Variants in ROBO2 observed in about 807,000 individuals in gnomAD.
The protein encoded by ROBO2 is roundabout guidance receptor 2.
Under a neutral mutation model 160.8 loss-of-function variants are expected in ROBO2, and 53 were observed. The ratio of observed to expected loss-of-function variants is 0.33; its 90% CI spans 0.26 to 0.41. The LOEUF (loss-of-function observed/expected upper bound fraction) is 0.41. Among genes scored for constraint, ROBO2 ranks in the 10% least tolerant of loss-of-function variants. The pLI is 1.00. For synonymous variants in ROBO2, 664 were observed against 611.7 expected (o/e 1.09, Z -1.26); for missense variants, 1,577 against 1,722.4 (o/e 0.92, Z 1.49).
intron 2 of ROBO2, among the ~76,000 whole-genome samples, chr3:77,468,940 A>G (rs2083067893): frequency 6.6e-6 from 1 of 152,004 alleles, no homozygotes. Context: ...TTTCTTTCCC[A>G]TTCCCCTTCT....
intron 2 of ROBO2, among the ~76,000 whole-genome samples, chr3:76,875,229 C>T (rs2072575181): frequency 6.6e-6 from 1 of 152,174 alleles, no homozygotes; most frequent in Admixed American, 6.5e-5. Flanking sequence ...GACAGCAACA[C>T]TCACCAGAAA....
chr3:75,924,423 A>C (rs2106863792), intron 1 of ROBO2, among the ~76,000 whole-genome samples: 1 of 152,222 alleles, frequency 6.6e-6, no homozygotes, highest in East Asian at 1.9e-4. Flanking sequence ...TGGCCCCTCA[A>C]ACCTGGTGAA....
chr3:77,033,124 A>G (rs1291771323), intron 2 of ROBO2, among the ~76,000 whole-genome samples: 1 of 152,184 alleles, frequency 6.6e-6, no homozygotes, highest in Non-Finnish European at 1.5e-5. Flanking sequence ...TAATTAAGGT[A>G]ATTGTCAACA....
At position 77,467,309 on chromosome 3, in the gene ROBO2, T is replaced by A. The variant is rs141145183; in HGVS notation, c.389-10105T>A. On this transcript the variant is annotated intron_variant, in intron 2 of 25. Transcript: ENST00000461745. ...AAGAGATTTAATAATTTAATTTTTGTTTTCTTTGGTCTAATGGTAAGGGCT... is the reference window on the plus strand; with the variant it reads ...AAGAGATTTAATAATTTAATTTTTGATTTCTTTGGTCTAATGGTAAGGGCT... 5.4e-3 allele frequency among the ~76,000 whole-genome samples: 816 copies of A among 152,240 alleles called. 6 individuals are homozygous for A. The highest frequency in any genetic ancestry group is 0.017 in the African/African-American group (694 of 41,534).
chr3:77,403,632 C>A (rs1349631292), intron 2 of ROBO2, among the ~76,000 whole-genome samples: 1 of 135,820 alleles, frequency 7.4e-6, no homozygotes, highest in Non-Finnish European at 1.6e-5. Context: ...TTTTTTTTAT[C>A]CATTCATTTA....
chr3:76,149,819 C>T (rs555976127), intron 2 of ROBO2, among the ~76,000 whole-genome samples: 62 of 150,470 alleles, frequency 4.1e-4, no homozygotes, highest in African/African-American at 1.5e-3. Context: ...CTAAAGCACA[C>T]ATCTGTCTAA....
chr3:76,026,610 T>C (rs2107686225), intron 2 of ROBO2, among the ~76,000 whole-genome samples: 1 of 152,090 alleles, frequency 6.6e-6, no homozygotes, highest in Middle Eastern at 3.4e-3. Context: ...TGGTATGTAC[T>C]ATTGAATGTG....
intron 2 of ROBO2, among the ~76,000 whole-genome samples, chr3:75,987,652 G>C (rs2065451417): frequency 6.6e-6 from 1 of 151,912 alleles, no homozygotes; most frequent in Non-Finnish European, 1.5e-5. Context: ...AAAACTTTCA[G>C]TCTTTTAACA....
intron 1 of ROBO2, among the ~76,000 whole-genome samples, chr3:75,908,968 C>A (rs2106705291): frequency 6.6e-6 from 1 of 152,336 alleles, no homozygotes; most frequent in Admixed American, 6.5e-5. Context: ...TGCTTTCAGG[C>A]TGAACTGCCA....
intron 2 of ROBO2, among the ~76,000 whole-genome samples, chr3:76,064,687 A>G (rs1358947850): frequency 6.6e-6 from 1 of 152,180 alleles, no homozygotes; most frequent in Non-Finnish European, 1.5e-5. Flanking sequence ...TTTTAATGCA[A>G]AATAAAAATT....
chr3:77,272,003 G>C (rs1453586073), intron 2 of ROBO2, among the ~76,000 whole-genome samples: 4 of 152,114 alleles, frequency 2.6e-5, no homozygotes, highest in Admixed American at 2.6e-4. Flanking sequence ...TTAATTTCGA[G>C]CTTTTCATTT....
At chr3:77,566,136 G>A (rs554418765) in intron 12 of ROBO2, among the ~76,000 whole-genome samples, 44 of 152,092 alleles carry the variant, frequency 2.9e-4, no homozygotes, top group Non-Finnish European at 5.6e-4. Context: ...AATGTAGTTC[G>A]GTGATAGTAA....
At chr3:77,187,664 A>G (rs1182054140) in intron 2 of ROBO2, among the ~76,000 whole-genome samples, 1 of 151,888 alleles carries the variant, frequency 6.6e-6, no homozygotes, top group Non-Finnish European at 1.5e-5. Flanking sequence ...AATCTCTTCA[A>G]TTTTATTTAT....
intron 1 of ROBO2, among the ~76,000 whole-genome samples, chr3:75,924,373 G>C (rs1576157669): frequency 6.6e-6 from 1 of 152,144 alleles, no homozygotes; most frequent in African/African-American, 2.4e-5. Context: ...GTGATGTGCT[G>C]TGTGGATGGA....
At chr3:76,190,468 A>C (rs1268837665) in intron 2 of ROBO2, among the ~76,000 whole-genome samples, 1 of 152,092 alleles carries the variant, frequency 6.6e-6, no homozygotes, top group Non-Finnish European at 1.5e-5. Context: ...AAGCATTTTA[A>C]ATTATATTAC....
At chr3:76,348,351 T>C (rs891010077) in intron 2 of ROBO2, among the ~76,000 whole-genome samples, 1 of 152,132 alleles carries the variant, frequency 6.6e-6, no homozygotes, top group Non-Finnish European at 1.5e-5. Context: ...AATACTGTTT[T>C]TGGAAAATTG....
intron 2 of ROBO2, among the ~76,000 whole-genome samples, chr3:77,376,032 C>T (rs978691339): frequency 2.0e-5 from 3 of 151,876 alleles, no homozygotes; most frequent in African/African-American, 4.8e-5. Flanking sequence ...CCATTGTGAG[C>T]GAGATGGACA....
rs567229713 is a variant in ROBO2, at chr3:76,079,722, G to T, written c.109+142120G>T. Among the ~76,000 whole-genome samples, 43 of 152,072 alleles carry T rather than the reference G, an allele frequency of 2.8e-4. 1 individual carries two copies. The highest frequency in any genetic ancestry group is 2.8e-3 in the Admixed American group (43 of 15,270). ...GCTGGTCTCGAACTCCTGAGCTCAG[G>T]CAATCCGTCTGCCTTGGCCTCCCAA... On this transcript the variant is annotated intron_variant, in intron 2 of 26. Coordinates refer to the ROBO2 transcript ENST00000487694.
intron 2 of ROBO2, among the ~76,000 whole-genome samples, chr3:76,952,550 G>A (rs2079022370): frequency 6.6e-6 from 1 of 152,098 alleles, no homozygotes; most frequent in Admixed American, 6.5e-5. Flanking sequence ...CCAAAGTGCT[G>A]GGATTACAGG....
Sources: gnomAD v4.1 joint callset for allele counts (sites outside exome capture counted in the v4.1 genomes callset) on GRCh38, gnomAD v4.1.1 for gene constraint, MANE v1.5 for transcripts, NCBI Gene and HGNC (gene_info 2026-07-23, HGNC 2026-07-21) for gene names.